MACROD2: variants seen among roughly 807,000 people sequenced by gnomAD.
The protein encoded by MACROD2 is ADP-ribose glycohydrolase MACROD2.
In MACROD2, 36 loss-of-function variants were observed where a neutral mutation model predicts 70.4. The ratio of observed to expected loss-of-function variants is 0.51; its 90% CI spans 0.39 to 0.68. MACROD2 has a LOEUF of 0.68. Among genes scored for constraint, MACROD2 ranks in the 30% least tolerant of loss-of-function variants. MACROD2 has a pLI of 0.00. For synonymous variants in MACROD2, 172 were observed against 178.8 expected (o/e 0.96, Z 0.30); for missense variants, 496 against 538.4 (o/e 0.92, Z 0.78).
At chr20:14,003,794 G>T (rs1268102438) in intron 2 of MACROD2, 4 of 388,322 alleles carry the variant, frequency 1.0e-5, no homozygotes, top group Admixed American at 3.2e-5. Context: ...AAAAAAAAAG[G>T]TCTGGTTAAG....
At chr20:14,609,851 A>G (rs1200369798) in intron 4 of MACROD2, among the ~76,000 whole-genome samples, 2 of 152,142 alleles carry the variant, frequency 1.3e-5, no homozygotes, top group Non-Finnish European at 2.9e-5. Context: ...CATTTTCTAC[A>G]ATGGAGAGAA....
chr20:15,879,845 G>C (rs1262734437), intron 9 of MACROD2, among the ~76,000 whole-genome samples: 1 of 152,086 alleles, frequency 6.6e-6, no homozygotes, highest in Non-Finnish European at 1.5e-5. Flanking sequence ...AAAGGCCTGA[G>C]AACCAATGGA....
chr20:15,260,675 G>A (rs1429382929), intron 6 of MACROD2, among the ~76,000 whole-genome samples: 9 of 151,752 alleles, frequency 5.9e-5, no homozygotes, highest in Non-Finnish European at 2.9e-5. Context: ...TTTAGTTCTT[G>A]AAGGAACCTC....
intron 5 of MACROD2, among the ~76,000 whole-genome samples, chr20:14,871,246 A>G (rs1349289914): frequency 6.6e-6 from 1 of 152,162 alleles, no homozygotes; most frequent in African/African-American, 2.4e-5. Context: ...GAAAGAAAAA[A>G]ATGTTAAAGG....
At chr20:15,726,518 G>A (rs147210460) in intron 8 of MACROD2, among the ~76,000 whole-genome samples, 51 of 152,004 alleles carry the variant, frequency 3.4e-4, no homozygotes, top group African/African-American at 8.9e-4. Context: ...TACTGTGCAC[G>A]GTGGCTCAAC....
intron 8 of MACROD2, among the ~76,000 whole-genome samples, chr20:15,641,232 TTCTTC>T (rs2049455516): frequency 6.6e-6 from 1 of 152,226 alleles, no homozygotes; most frequent in Admixed American, 6.5e-5. Flanking sequence ...TCTTATTCTT[TTCTTC>T]TCTTTCATCC....
intron 6 of MACROD2, among the ~76,000 whole-genome samples, chr20:15,327,543 G>GGAAAAGCC (rs1419560848): frequency 6.6e-6 from 1 of 152,022 alleles, no homozygotes; most frequent in East Asian, 1.9e-4. Context: ...AGCAAAAGGG[G>GGAAAAGCC]GAAAAGCCCC....
intron 8 of MACROD2, among the ~76,000 whole-genome samples, chr20:15,672,348 TACACACACACACACAC>T (rs3071295): frequency 4.9e-5 from 7 of 141,862 alleles, no homozygotes; most frequent in South Asian, 4.8e-4. Context: ...TGTTCTATTT[TACACACACACACACAC>T]ACACACACAC....
At chr20:15,191,149 G>T (rs1422463179) in intron 5 of MACROD2, among the ~76,000 whole-genome samples, 5 of 152,144 alleles carry the variant, frequency 3.3e-5, no homozygotes, top group African/African-American at 1.2e-4. Context: ...TGAAGCCTGG[G>T]GCTCATTTCC....
intron 5 of MACROD2, among the ~76,000 whole-genome samples, chr20:14,959,044 C>A (rs1364851297): frequency 6.6e-6 from 1 of 152,140 alleles, no homozygotes; most frequent in Non-Finnish European, 1.5e-5. Flanking sequence ...CTGCTTGCAA[C>A]ATGTAAAAAT....
chr20:14,403,710 T>C (rs2122844305), intron 3 of MACROD2, among the ~76,000 whole-genome samples: 1 of 152,290 alleles, frequency 6.6e-6, no homozygotes, highest in Non-Finnish European at 1.5e-5. Context: ...TCAAAAATGC[T>C]GCAAAATGAG....
At chr20:14,341,811 A>G (rs2083015946) in intron 3 of MACROD2, among the ~76,000 whole-genome samples, 1 of 152,174 alleles carries the variant, frequency 6.6e-6, no homozygotes, top group Admixed American at 6.5e-5. Context: ...TGTATAGTAC[A>G]ACTTCAGGTA....
intron 3 of MACROD2, among the ~76,000 whole-genome samples, chr20:14,413,980 G>A (rs569514703): frequency 5.4e-4 from 82 of 152,104 alleles, no homozygotes; most frequent in Non-Finnish European, 6.6e-4. Context: ...ATCAGAACGG[G>A]GGATAATAAG....
At chr20:15,527,881 A>T (rs1286399681) in intron 8 of MACROD2, among the ~76,000 whole-genome samples, 1 of 152,136 alleles carries the variant, frequency 6.6e-6, no homozygotes, top group Non-Finnish European at 1.5e-5. Flanking sequence ...TTTTCTCCAT[A>T]GCACTTATCA....
intron 3 of MACROD2, among the ~76,000 whole-genome samples, chr20:14,282,158 A>T (rs2082311491): frequency 6.6e-6 from 1 of 152,106 alleles, no homozygotes. Flanking sequence ...TTTTGGTTGA[A>T]TTATATAAGA....
Position 16,051,866 on chromosome 20 carries a change from G to A in MACROD2, c.*1990G>A, listed in dbSNP as rs147798839. On this transcript the variant is annotated 3_prime_UTR_variant, in exon 18 of 18. Coordinates refer to ENST00000684519, the MANE Select transcript of MACROD2 (RefSeq NM_001351661.2). ...TGAAAAAAACATGAGGGAAACAGAG[G>A]GACAGAGATTTTCTAATGAACAATG... is the stretch of plus-strand genomic sequence containing the variant. 7.2e-5 allele frequency: 11 copies of A among 152,222 alleles called. No individual in the cohort carries two copies. The East Asian group carries it at 1.2e-3, about 16-fold the overall frequency. The allele number at this position is 152,222 out of a possible 1,614,324, so 9.4% of individuals were successfully genotyped here. A position where few individuals can be genotyped will look rare whatever the true frequency, so the allele number is the denominator to read the frequency against.
chr20:15,045,035 A>G (rs2075382519), intron 5 of MACROD2, among the ~76,000 whole-genome samples: 1 of 152,178 alleles, frequency 6.6e-6, no homozygotes, highest in African/African-American at 2.4e-5. Context: ...GCTGAATTGA[A>G]GCTTTTTAAC....
intron 6 of MACROD2, among the ~76,000 whole-genome samples, chr20:15,382,082 A>G (rs1339562642): frequency 6.6e-6 from 1 of 152,174 alleles, no homozygotes; most frequent in Non-Finnish European, 1.5e-5. Flanking sequence ...AGCTTGTGAC[A>G]GTACTACTAG....
chr20:14,041,241 A>G (rs2053386383), intron 2 of MACROD2, among the ~76,000 whole-genome samples: 1 of 152,240 alleles, frequency 6.6e-6, no homozygotes, highest in Non-Finnish European at 1.5e-5. Flanking sequence ...TTGTGCTTTA[A>G]GTAGGAGATG....
Sources: gnomAD v4.1 joint callset for allele counts (sites outside exome capture counted in the v4.1 genomes callset) on GRCh38, gnomAD v4.1.1 for gene constraint, MANE v1.5 for transcripts, NCBI Gene and HGNC (gene_info 2026-07-23, HGNC 2026-07-21) for gene names.